DMD: variants seen among roughly 807,000 people sequenced by gnomAD.
The protein encoded by DMD is dystrophin.
DMD carries 63 observed loss-of-function variants against 330.1 expected under a neutral mutation model. The ratio of observed to expected loss-of-function variants is 0.19; its 90% CI spans 0.16 to 0.24. The LOEUF (loss-of-function observed/expected upper bound fraction) is 0.24. Ranked by LOEUF, DMD falls within the 10% of genes least tolerant of loss-of-function variation. The probability of loss-of-function intolerance (pLI) is 1.00; values close to 1 mark genes in which losing one functional copy is unlikely to be tolerated. For synonymous variants in DMD, 1,223 were observed against 959.8 expected, an observed-to-expected ratio of 1.27 and a Z score of -5.07; for missense variants, 3,344 against 2,684.1, an observed-to-expected ratio of 1.25 and a Z score of -5.43.
chrX:33,072,878 G>T (rs747473935), intron 1 of DMD, among the ~76,000 whole-genome samples: 2 of 111,332 alleles, frequency 1.8e-5, no homozygotes, highest in Non-Finnish European at 3.8e-5. Flanking sequence ...TATGTCCCTG[G>T]TTCTACTTAT....
At chrX:31,514,896 C>A (rs1489271185) in intron 55 of DMD, among the ~76,000 whole-genome samples, 4 of 110,735 alleles carry the variant, frequency 3.6e-5, no homozygotes, top group Non-Finnish European at 7.6e-5. Context: ...CAATGAATTG[C>A]ACAACCTGAT....
At chrX:32,275,808 G>GA (rs1334486605) in intron 43 of DMD, among the ~76,000 whole-genome samples, 2 of 111,585 alleles carry the variant, frequency 1.8e-5, no homozygotes, top group Admixed American at 1.9e-4. Flanking sequence ...AGTGGTGCAA[G>GA]ATGTCAGAAT....
chrX:32,917,583 G>T (rs1012909424), intron 2 of DMD, among the ~76,000 whole-genome samples: 1 of 111,229 alleles, frequency 9.0e-6, no homozygotes, highest in Non-Finnish European at 1.9e-5. Flanking sequence ...CAAAATCTCC[G>T]CTCTATAATT....
chrX:31,382,940 T>C (rs1451316542), intron 60 of DMD, among the ~76,000 whole-genome samples: 4 of 111,745 alleles, frequency 3.6e-5, no homozygotes, highest in Non-Finnish European at 7.5e-5. Flanking sequence ...GAGCCCAAGC[T>C]AAGCCATCAT....
chrX:32,026,000 T>G (rs1293920), intron 44 of DMD, among the ~76,000 whole-genome samples: 4,036 of 112,244 alleles, frequency 0.036, 70 homozygotes, highest in Non-Finnish European at 0.058. Flanking sequence ...AAGTGTATAA[T>G]TTCTGTAGAA....
At chrX:32,057,358 C>T (rs967367409) in intron 44 of DMD, among the ~76,000 whole-genome samples, 12 of 110,670 alleles carry the variant, frequency 1.1e-4, no homozygotes, top group South Asian at 7.6e-4. Flanking sequence ...TGATCTGATA[C>T]GTAGAAAATC....
chrX:32,387,231 A>G (rs760079676), intron 32 of DMD, among the ~76,000 whole-genome samples: 3 of 111,150 alleles, frequency 2.7e-5, no homozygotes, highest in African/African-American at 6.5e-5. Flanking sequence ...GAAGACAGCT[A>G]TGTTCACAAT....
At chrX:32,270,153 T>C (rs1456417017) in intron 43 of DMD, among the ~76,000 whole-genome samples, 1 of 112,392 alleles carries the variant, frequency 8.9e-6, no homozygotes, top group Non-Finnish European at 1.9e-5. Context: ...GTCATGATGC[T>C]ATTTGGAAAT....
chrX:32,378,502 C>A (rs765973539), intron 34 of DMD, among the ~76,000 whole-genome samples: 158 of 109,900 alleles, frequency 1.4e-3, no homozygotes, highest in Non-Finnish European at 2.4e-3. Context: ...TTTGGATAAA[C>A]TAAAGGTCAA....
At chrX:32,669,625 A>T (rs2061513967) in intron 9 of DMD, among the ~76,000 whole-genome samples, 1 of 111,645 alleles carries the variant, frequency 9.0e-6, no homozygotes, top group African/African-American at 3.3e-5. Flanking sequence ...GTCTTAACTG[A>T]TCTGTTGATA....
chrX:32,565,600 C>A lies in DMD; in HGVS notation c.1992+102G>T, dbSNP rs187864581. The A allele has an allele frequency of 2.0e-3, 1,777 of 871,222 alleles. 26 individuals carry two copies. In the Admixed American group the frequency reaches 0.033, roughly 16 times the overall value. The allele number at this position is 871,222 out of a possible 1,213,427, so 71.8% of individuals were successfully genotyped here. ...TATTTAACTAAACACAGGGCAAAAA[C>A]TAATCTGGTTGCTTCTTTTGTAGGG... On this transcript the variant is annotated intron_variant, in intron 16 of 78. Coordinates refer to ENST00000357033, the MANE Select transcript of DMD (RefSeq NM_004006.3).
chrX:32,457,611 A>C (rs780110524), intron 25 of DMD, among the ~76,000 whole-genome samples: 1 of 110,658 alleles, frequency 9.0e-6, no homozygotes, highest in East Asian at 2.8e-4. Flanking sequence ...ATGTAAACAA[A>C]GGGAAAGTAG....
At chrX:32,710,675 C>T (rs2065106485) in intron 7 of DMD, among the ~76,000 whole-genome samples, 1 of 110,244 alleles carries the variant, frequency 9.1e-6, no homozygotes, top group Non-Finnish European at 1.9e-5. Context: ...CTGATATCTA[C>T]AGAAAAAAAA....
intron 11 of DMD, among the ~76,000 whole-genome samples, chrX:32,627,249 T>C (rs1602290968): frequency 1.0e-5 from 1 of 96,299 alleles, no homozygotes; most frequent in Non-Finnish European, 1.9e-5. Flanking sequence ...CAACATGACT[T>C]GTTAGGGTTA....
intron 9 of DMD, among the ~76,000 whole-genome samples, chrX:32,648,374 A>C (rs1024270116): frequency 1.8e-5 from 2 of 112,053 alleles, no homozygotes; most frequent in African/African-American, 3.2e-5. Context: ...GTCTAGATAG[A>C]CTATTGTTTT....
chrX:32,466,738 T>A (rs2040066808), intron 23 of DMD, among the ~76,000 whole-genome samples: 1 of 110,935 alleles, frequency 9.0e-6, no homozygotes. Context: ...CTGCTGACTT[T>A]GAAGATGGAG....
Position 32,287,377 on chromosome X carries a change from T to C in DMD, c.6290+152A>G, listed in dbSNP as rs2097446508. The C allele has an allele frequency of 6.0e-6, 3 of 500,968 alleles. No homozygotes were observed. The South Asian group carries it at 9.7e-5, about 16-fold the overall frequency. The allele number at this position is 500,968 out of a possible 1,213,427, so 41.3% of individuals were successfully genotyped here. Reference sequence around the variant, plus strand: ...GCTCATTTGTCTGAATTGTTCATCATTATTTGTTCTCATTTTACTTACCAT... The same window carrying C: ...GCTCATTTGTCTGAATTGTTCATCACTATTTGTTCTCATTTTACTTACCAT... On this transcript the variant is annotated intron_variant, in intron 43 of 78. Transcript: ENST00000357033.
At chrX:31,734,037 A>G (rs2086693652) in intron 51 of DMD, among the ~76,000 whole-genome samples, 1 of 111,188 alleles carries the variant, frequency 9.0e-6, no homozygotes, top group Admixed American at 9.6e-5. Context: ...ATACTTTATA[A>G]GATGCATTTT....
intron 67 of DMD, among the ~76,000 whole-genome samples, chrX:31,200,068 A>G (rs1408188005): frequency 8.9e-6 from 1 of 112,290 alleles, no homozygotes; most frequent in Admixed American, 9.4e-5. Context: ...GGATCCATTC[A>G]ACCTGATTGC....
Sources: gnomAD v4.1 joint callset for allele counts (sites outside exome capture counted in the v4.1 genomes callset) on GRCh38, gnomAD v4.1.1 for gene constraint, MANE v1.5 for transcripts, NCBI Gene and HGNC (gene_info 2026-07-23, HGNC 2026-07-21) for gene names.